RPE65: variants seen among roughly 807,000 people sequenced by gnomAD.
RPE65 encodes retinoid isomerohydrolase.
Under a neutral mutation model 68.5 loss-of-function variants are expected in RPE65, and 58 were observed. The observed-to-expected ratio is 0.85, with a 90% CI of 0.69 to 1.05. The LOEUF is 1.05. Among genes scored for constraint, RPE65 ranks in the 50% least tolerant of loss-of-function variants. The pLI is 0.00. For synonymous variants in RPE65, 220 were observed against 222.2 expected (o/e 0.99, Z 0.09); for missense variants, 643 against 629.9 (o/e 1.02, Z -0.22).
At chr1:68,449,179 A>G (rs1645964065) in intron 1 of RPE65, among the ~76,000 whole-genome samples, 1 of 152,046 alleles carries the variant, frequency 6.6e-6, no homozygotes, top group South Asian at 2.1e-4. Flanking sequence ...GGAGAGACCC[A>G]TTTATCTCCT....
chr1:68,430,889 G>C (rs1021499430), intron 13 of RPE65, among the ~76,000 whole-genome samples, 176 bp downstream of exon 13: 2 of 152,034 alleles, frequency 1.3e-5, no homozygotes, highest in Non-Finnish European at 2.9e-5. Context: ...AACAAGACCT[G>C]ATCAAAAGAT....
At chr1:68,433,867 T>C (rs1031517073) in intron 10 of RPE65, among the ~76,000 whole-genome samples, 1 of 152,050 alleles carries the variant, frequency 6.6e-6, no homozygotes, top group African/African-American at 2.4e-5. Flanking sequence ...AGAAAGTGTT[T>C]GTAATTATTG....
intron 2 of RPE65, among the ~76,000 whole-genome samples, chr1:68,448,082 A>G (rs1451765223): frequency 2.0e-5 from 3 of 152,198 alleles, no homozygotes; most frequent in Non-Finnish European, 4.4e-5. Flanking sequence ...TACTCCACTT[A>G]ATTTTCACAA....
At chr1:68,437,805 T>G (rs1177439377) in intron 10 of RPE65, among the ~76,000 whole-genome samples, 1 of 152,248 alleles carries the variant, frequency 6.6e-6, no homozygotes, top group Non-Finnish European at 1.5e-5. Flanking sequence ...AAGAGTACTT[T>G]TTGATGCTTC....
intron 13 of RPE65, among the ~76,000 whole-genome samples, 194 bp downstream of exon 13, chr1:68,430,871 T>C (rs1645820863): frequency 6.6e-6 from 1 of 152,180 alleles, no homozygotes; most frequent in Admixed American, 6.5e-5. Context: ...TTTTTTCTAC[T>C]GGTAATCAAC....
chr1:68,446,945 C>G (rs1645947158), intron 2 of RPE65, 85 bp from the exon 3 acceptor site: 2 of 1,563,414 alleles, frequency 1.3e-6, no homozygotes, highest in Non-Finnish European at 1.8e-6. Context: ...ATATCAGCAG[C>G]CTGATTGGGC....
intron 3 of RPE65, among the ~76,000 whole-genome samples, chr1:68,445,681 T>C (rs1216290848): frequency 3.3e-5 from 5 of 151,946 alleles, no homozygotes; most frequent in Non-Finnish European, 7.4e-5. Context: ...GCCCGGCTAA[T>C]TTTTCTGTAT....
At chr1:68,430,595 T>G (rs1645819078) in intron 13 of RPE65, among the ~76,000 whole-genome samples, 1 of 152,230 alleles carries the variant, frequency 6.6e-6, no homozygotes, top group African/African-American at 2.4e-5. Context: ...TTGCTGTATC[T>G]GAGTTGCTGG....
intron 5 of RPE65, among the ~76,000 whole-genome samples, chr1:68,443,186 T>C (rs17130693): frequency 0.046 from 6,993 of 152,328 alleles, 351 homozygotes; most frequent in East Asian, 0.23. Context: ...TTTAATTTCA[T>C]CCTACCCTGT....
At chr1:68,437,696 TA>T (rs1156805664) in intron 10 of RPE65, among the ~76,000 whole-genome samples, 27 of 152,284 alleles carry the variant, frequency 1.8e-4, no homozygotes, top group African/African-American at 5.5e-4. Flanking sequence ...AAAGTAGAAA[TA>T]AAGAGATGAC....
chr1:68,429,864 A>G lies in RPE65; in HGVS notation c.1514T>C (p.Leu505Pro). ...AGQKPAYLLI[L>P]NAKDLSEVAR... is the part of the protein sequence containing the mutation. ...AACTTCACTTAAGTCCTTGGCATTC[A>G]GAATCAGGAGATAAGCAGGCTTTTG... Residue 505 changes from leucine (L) to proline (P), a missense_variant, in exon 14 of 14, where the codon CTG becomes CCG. Coordinates refer to ENST00000262340, the MANE Select transcript of RPE65 (RefSeq NM_000329.3). 3 of 1,613,890 alleles carry G rather than the reference A, an allele frequency of 1.9e-6. No homozygotes were observed. The highest frequency in any genetic ancestry group is 2.5e-6 in the Non-Finnish European group (3 of 1,179,832).
At position 68,429,428 on chromosome 1, in the gene RPE65, A is replaced by G. The variant is rs1220438305; in HGVS notation, c.*348T>C. ...AGAGGACTTTGGTTTTTAAATGTTA[A>G]AAATATAATTGGAGCAGATAGGTAC... On this transcript the variant is annotated 3_prime_UTR_variant, in exon 14 of 14. Transcript: ENST00000262340. 1 of 275,682 alleles carries G rather than the reference A, an allele frequency of 3.6e-6. No individual in the cohort carries two copies. Among genetic ancestry groups the G allele is most frequent in the Non-Finnish European group, 7.0e-6 (1 of 142,854 alleles). The allele number at this position is 275,682 out of a possible 1,614,324, so 17.1% of individuals were successfully genotyped here.
At chr1:68,448,265 C>T (rs908196412) in intron 2 of RPE65, among the ~76,000 whole-genome samples, 2 of 152,134 alleles carry the variant, frequency 1.3e-5, no homozygotes, top group Non-Finnish European at 2.9e-5. Context: ...AACCCACCAC[C>T]CTTTAATACT....
intron 10 of RPE65, among the ~76,000 whole-genome samples, chr1:68,432,772 TG>T (rs1291374556): frequency 6.6e-6 from 1 of 152,106 alleles, no homozygotes; most frequent in African/African-American, 2.4e-5. Context: ...AGGGTAGCCT[TG>T]TTAGTAGGGA....
intron 3 of RPE65, among the ~76,000 whole-genome samples, chr1:68,446,136 T>A (rs543124587): frequency 2.6e-5 from 4 of 151,988 alleles, no homozygotes; most frequent in Non-Finnish European, 5.9e-5. Context: ...TTAGCAATAA[T>A]CTCTTGTTTT....
intron 1 of RPE65, among the ~76,000 whole-genome samples, chr1:68,449,550 T>A (rs1323100301): frequency 6.6e-6 from 1 of 152,186 alleles, no homozygotes; most frequent in East Asian, 1.9e-4. Flanking sequence ...TATTGTGACA[T>A]CTTTCTATAT....
At chr1:68,442,159 G>A (rs774176398) in intron 5 of RPE65, among the ~76,000 whole-genome samples, 7 of 152,164 alleles carry the variant, frequency 4.6e-5, no homozygotes, top group African/African-American at 9.7e-5. Context: ...CCAATAAGCC[G>A]GTGTAAAGCA....
chr1:68,443,418 C>G (rs1022381441), intron 5 of RPE65, among the ~76,000 whole-genome samples: 1 of 152,238 alleles, frequency 6.6e-6, no homozygotes, highest in African/African-American at 2.4e-5. Flanking sequence ...TAATGTCATA[C>G]TAATACCTCC....
At position 68,429,413 on chromosome 1, in the gene RPE65, G is replaced by C. The variant is rs1206957358; in HGVS notation, c.*363C>G. 3.7e-6 allele frequency: 1 copy of C among 270,118 alleles called. No homozygotes were observed. The highest frequency in any genetic ancestry group is 1.0e-4 in the East Asian group (1 of 9,946). The allele number at this position is 270,118 out of a possible 1,614,324, so 16.7% of individuals were successfully genotyped here. ...ATATAAATCAAGTGTAGAGGACTTT[G>C]GTTTTTAAATGTTAAAAATATAATT... On this transcript the variant is annotated 3_prime_UTR_variant, in exon 14 of 14. Transcript: ENST00000262340.
Sources: allele counts gnomAD v4.1 joint callset (sites outside exome capture counted in the v4.1 genomes callset), GRCh38; gene constraint gnomAD v4.1.1; transcripts MANE v1.5; gene names NCBI Gene and HGNC (gene_info 2026-07-23, HGNC 2026-07-21).